Variants in BICD2 observed in about 807,000 individuals in gnomAD.
The protein encoded by BICD2 is protein bicaudal D homolog 2.
BICD2 carries 25 observed loss-of-function variants against 72.9 expected under a neutral mutation model. The ratio of observed to expected loss-of-function variants is 0.34; its 90% CI spans 0.25 to 0.48. The LOEUF (loss-of-function observed/expected upper bound fraction) is 0.48. Ranked by LOEUF, BICD2 falls within the 20% of genes least tolerant of loss-of-function variation. The pLI is 0.99. For synonymous variants in BICD2, 501 were observed against 516.1 expected (o/e 0.97, Z 0.40); for missense variants, 894 against 1,175.2 (o/e 0.76, Z 3.50).
At chr9:92,738,935 CAT>C (rs1006792591) in intron 1 of BICD2, among the ~76,000 whole-genome samples, 1 of 152,352 alleles carries the variant, frequency 6.6e-6, no homozygotes, top group African/African-American at 2.4e-5. Context: ...ACCACCCACT[CAT>C]AGCCAGCTGG....
At position 92,722,758 on chromosome 9, in the gene BICD2, C is replaced by T. The variant is rs772173482; in HGVS notation, c.504G>A (p.Lys168=). The T allele has an allele frequency of 6.2e-7, 1 of 1,614,208 alleles. No individual in the cohort carries two copies. Among genetic ancestry groups the T allele is most frequent in the Non-Finnish European group, 8.5e-7 (1 of 1,180,042 alleles). Residue 168 remains lysine, a synonymous_variant, in exon 3 of 7, where the codon AAG becomes AAA. Coordinates refer to ENST00000356884, the MANE Select transcript of BICD2 (RefSeq NM_001003800.2). Reference sequence around the variant, plus strand: ...GACGAGCTTCCCGGAATTTGTACTCCTTGATGTCATCCCGCAGGCGGCCAC... The same window carrying T: ...GACGAGCTTCCCGGAATTTGTACTCTTTGATGTCATCCCGCAGGCGGCCAC... ...IQRGRLRDDI[K]EYKFREARLL...
At chr9:92,735,741 G>A (rs138661660) in intron 1 of BICD2, among the ~76,000 whole-genome samples, 16 of 152,176 alleles carry the variant, frequency 1.1e-4, no homozygotes, top group African/African-American at 3.4e-4. Context: ...CCTCATCCAC[G>A]AGCATGGCAG....
intron 1 of BICD2, among the ~76,000 whole-genome samples, chr9:92,748,429 G>A (rs1199767741): frequency 3.9e-5 from 6 of 152,136 alleles, no homozygotes; most frequent in African/African-American, 1.4e-4. Flanking sequence ...GATTTAATAG[G>A]TCTGAGTGTG....
At chr9:92,725,567 A>C (rs933665262) in intron 2 of BICD2, among the ~76,000 whole-genome samples, 3 of 152,234 alleles carry the variant, frequency 2.0e-5, no homozygotes, top group Non-Finnish European at 4.4e-5. Flanking sequence ...AGCCCAAAGA[A>C]GTACAGGGGA....
intron 1 of BICD2, among the ~76,000 whole-genome samples, chr9:92,733,742 C>A (rs1380013831): frequency 6.6e-6 from 1 of 152,120 alleles, no homozygotes; most frequent in Admixed American, 6.5e-5. Context: ...CCGAGGCGGG[C>A]AGATCACGAG....
In BICD2 at chr9:92,719,105, C is replaced by T. The variant is rs200091763; in HGVS notation, c.1540G>A (p.Gly514Ser). Reference protein sequence around the residue: ...KELKKVSDVAGETQGSLSVAQ... With the variant: ...KELKKVSDVASETQGSLSVAQ... Reference sequence around the variant, plus strand: ...ACACTCAGGCTGCCCTGTGTCTCGCCGGCGACGTCGCTCACCTTCTTTAGC... The same window carrying T: ...ACACTCAGGCTGCCCTGTGTCTCGCTGGCGACGTCGCTCACCTTCTTTAGC... The change falls in exon 5 of 7, where the codon GGC (glycine) becomes AGC (serine). Residue 514 changes from glycine (G) to serine (S), a missense_variant. By Grantham distance (56) the Gly-to-Ser change is moderately conservative. Transcript: ENST00000356884. The T allele has an allele frequency of 9.1e-5, 147 of 1,612,706 alleles. No homozygotes were observed. The highest frequency in any genetic ancestry group is 1.4e-4 in the South Asian group (13 of 91,094).
In BICD2 at chr9:92,713,058, C is replaced by A; in HGVS notation, c.*2096G>T. ...CGAGCATAGACCACGGCACCTGAGA[C>A]CGTCTCTACGCGAGGAATTAAGGAA... On this transcript the variant is annotated 3_prime_UTR_variant, in exon 7 of 7. Transcript: ENST00000356884. 5.0e-6 allele frequency: 1 copy of A among 199,980 alleles called. No homozygotes were observed. The highest frequency in any genetic ancestry group is 2.1e-3 in the Middle Eastern group (1 of 468). The allele number at this position is 199,980 out of a possible 1,614,324, so 12.4% of individuals were successfully genotyped here.
Position 92,713,580 on chromosome 9 carries a change from G to T in BICD2, c.*1574C>A. 1 of 1,540,532 alleles carries T rather than the reference G, an allele frequency of 6.5e-7. No homozygotes were observed. On this transcript the variant is annotated 3_prime_UTR_variant, in exon 7 of 7. Coordinates refer to ENST00000356884, the MANE Select transcript of BICD2 (RefSeq NM_001003800.2). ...GAGCACGTTAGTTGGCAGAAGAGAA[G>T]ACCTGCATGTGTTAGCAGGGGTCCC...
intron 1 of BICD2, among the ~76,000 whole-genome samples, chr9:92,746,352 C>T (rs1330875420): frequency 2.0e-5 from 3 of 151,896 alleles, no homozygotes; most frequent in Non-Finnish European, 4.4e-5. Context: ...GCCAACATGG[C>T]GAAATCCTGT....
rs201939232 is a variant in BICD2, at chr9:92,719,421, T to G, written c.1224A>C (p.Thr408=). 6.2e-7 allele frequency: 1 copy of G among 1,614,176 alleles called. No individual in the cohort carries two copies. Among genetic ancestry groups the G allele is most frequent in the East Asian group, 2.2e-5 (1 of 44,874 alleles). The change falls in exon 5 of 7, where the codon ACA becomes ACC. Residue 408 remains threonine (T), a synonymous_variant. Coordinates refer to ENST00000356884, the MANE Select transcript of BICD2 (RefSeq NM_001003800.2). Reference sequence around the variant, plus strand: ...CACGGTCCTTCTCGTTGTCCAGGGCTGTCTGCCGCTCCTTGCTGGCCTGCA... The same window carrying G: ...CACGGTCCTTCTCGTTGTCCAGGGCGGTCTGCCGCTCCTTGCTGGCCTGCA... ...RRLQASKERQ[T]ALDNEKDRDS...
intron 2 of BICD2, among the ~76,000 whole-genome samples, chr9:92,725,481 A>G (rs1853549883): frequency 6.6e-6 from 1 of 152,256 alleles, no homozygotes; most frequent in Non-Finnish European, 1.5e-5. Context: ...CAAGGGCTCA[A>G]ACAGGCTGAC....
chr9:92,739,083 C>T (rs991005038), intron 1 of BICD2, among the ~76,000 whole-genome samples: 2 of 152,186 alleles, frequency 1.3e-5, no homozygotes, highest in African/African-American at 2.4e-5. Flanking sequence ...CCACCACCTG[C>T]TAAGGTGGAG....
At chr9:92,715,549 C>CT (rs1457689939) in intron 6 of BICD2, 86 bp from the exon 7 acceptor site, 8 of 1,336,796 alleles carry the variant, frequency 6.0e-6, no homozygotes, top group Non-Finnish European at 8.2e-6. Flanking sequence ...GCACGGCCCT[C>CT]TGACAGCCCT....
intron 1 of BICD2, among the ~76,000 whole-genome samples, chr9:92,749,382 C>T (rs146165338): frequency 1.3e-5 from 2 of 152,324 alleles, no homozygotes; most frequent in Non-Finnish European, 2.9e-5. Context: ...TGCATTTCCC[C>T]AAGGAGGACT....
intron 1 of BICD2, among the ~76,000 whole-genome samples, chr9:92,759,991 C>G (rs1417345351): frequency 1.3e-5 from 2 of 152,186 alleles, no homozygotes; most frequent in Non-Finnish European, 2.9e-5. Context: ...CACAGGGACA[C>G]CACTCCCTGA....
intron 1 of BICD2, among the ~76,000 whole-genome samples, chr9:92,746,053 T>C (rs1854006859): frequency 6.6e-6 from 1 of 152,166 alleles, no homozygotes; most frequent in Non-Finnish European, 1.5e-5. Context: ...CCAGTCATGG[T>C]GGTCCCTGGG....
Position 92,720,437 on chromosome 9 carries a change from C to G in BICD2, c.925G>C (p.Ala309Pro), listed in dbSNP as rs1853438198. Residue 309 changes from alanine to proline, a missense_variant, in exon 4 of 7, where the codon GCC (alanine) becomes CCC (proline). Ala to Pro is a conservative substitution (Grantham distance 27). Coordinates refer to ENST00000356884, the MANE Select transcript of BICD2 (RefSeq NM_001003800.2). This position sits in a 1 kb window ranked among gnomAD's most constrained non-coding sequence, Gnocchi z 5.4. ...GTCTTGTTGTCCAGTGGCAGCTTGG[C>G]CAGGCCGCCGTGCTCAAAGCCATTG... is the stretch of plus-strand genomic sequence containing the variant. ...LVNGFEHGGLAKLPLDNKTST... is the reference protein window; with the variant it reads ...LVNGFEHGGLPKLPLDNKTST... The G allele has an allele frequency of 6.2e-7, 1 of 1,614,168 alleles. No individual in the cohort carries two copies. The highest frequency in any genetic ancestry group is 8.5e-7 in the Non-Finnish European group (1 of 1,180,028).
intron 1 of BICD2, among the ~76,000 whole-genome samples, chr9:92,732,034 T>C (rs1317192548): frequency 1.3e-5 from 2 of 152,096 alleles, no homozygotes; most frequent in African/African-American, 4.8e-5. Context: ...CAAGAACACA[T>C]GAAGGAATAC....
In BICD2 at chr9:92,720,254, G is replaced by C. The variant is rs41273374; in HGVS notation, c.1062+46C>G. 81,635 of 1,553,286 alleles carry C rather than the reference G, an allele frequency of 0.053. 2,547 individuals are homozygous for C. Among genetic ancestry groups the C allele is most frequent in the South Asian group, 0.1 (8,653 of 82,490 alleles). On this transcript the variant is annotated intron_variant, in intron 4 of 6. Transcript: ENST00000356884. The surrounding 1 kb of genome is among the most constrained non-coding windows in gnomAD (Gnocchi z 5.4). ...TAAGCACTGCTCGGGGAGCCCTGCA[G>C]ACCTGGAGTGGGGACAGCGTGCCGA...
Sources: allele counts gnomAD v4.1 joint callset (sites outside exome capture counted in the v4.1 genomes callset), GRCh38; gene constraint gnomAD v4.1.1; non-coding constraint Gnocchi (gnomAD v3.1); transcripts MANE v1.5; gene names NCBI Gene and HGNC (gene_info 2026-07-23, HGNC 2026-07-21).